HIGD1A: variants seen among roughly 807,000 people sequenced by gnomAD.
The protein encoded by HIGD1A is HIG1 domain family member 1A, mitochondrial.
In HIGD1A, 8 loss-of-function variants were observed where a neutral mutation model predicts 11.3. The ratio of observed to expected loss-of-function variants is 0.71; its 90% CI spans 0.42 to 1.28. The LOEUF is 1.28. HIGD1A is among the 50% of genes most tolerant of loss of function. The probability of loss-of-function intolerance (pLI) is 0.01; values close to 1 mark genes in which losing one functional copy is unlikely to be tolerated. For missense variants in HIGD1A, 107 were observed against 118.8 expected, an observed-to-expected ratio of 0.90 and a Z score of 0.46; for synonymous variants, 32 against 38.4, an observed-to-expected ratio of 0.83 and a Z score of 0.62.
intron 1 of HIGD1A, among the ~76,000 whole-genome samples, chr3:42,799,495 T>A (rs1313259975): frequency 2.0e-5 from 3 of 152,224 alleles, no homozygotes; most frequent in African/African-American, 7.2e-5. Context: ...CAGGGTCTAG[T>A]TGCCACGCAG....
In HIGD1A at chr3:42,789,253, G is replaced by C. The variant is rs572102610; in HGVS notation, c.98-3091C>G. Reference sequence around the variant, plus strand: ...GATGGGGTTTCCCCACATTGGTCAGGCTGGTCTCGAACTCCTGACCTCATG... The same window carrying C: ...GATGGGGTTTCCCCACATTGGTCAGCCTGGTCTCGAACTCCTGACCTCATG... On this transcript the variant is annotated intron_variant, in intron 2 of 3. Coordinates refer to ENST00000321331, the MANE Select transcript of HIGD1A (RefSeq NM_014056.4). 2.6e-5 allele frequency among the ~76,000 whole-genome samples: 4 copies of C among 152,050 alleles called. No homozygotes were observed. In the South Asian group the frequency reaches 8.3e-4, roughly 32 times the overall value.
chr3:42,790,465 G>A (rs953465611), intron 2 of HIGD1A, among the ~76,000 whole-genome samples: 3 of 152,136 alleles, frequency 2.0e-5, no homozygotes, highest in East Asian at 1.9e-4. Flanking sequence ...CCCGGGAGGC[G>A]GAGGTTGCAG....
Position 42,794,227 on chromosome 3 carries a change from A to C in HIGD1A, c.27T>G (p.Leu9=). Residue 9 remains leucine (L), a synonymous_variant, in exon 2 of 4, where the codon CTT becomes CTG. Transcript: ENST00000321331. MSTDTGVS[L]PSYEEDQGSK... is the part of the protein sequence containing the mutation. ...ATCCCTGATCTTCCTCATATGAAGG[A>C]AGGGAAACACCTGTGTCTGTTGACA... 6.2e-7 allele frequency: 1 copy of C among 1,604,746 alleles called. No individual in the cohort carries two copies.
chr3:42,796,446 TAA>T (rs10719438), intron 1 of HIGD1A, among the ~76,000 whole-genome samples: 30,736 of 141,042 alleles, frequency 0.22, 3,790 homozygotes, highest in Non-Finnish European at 0.29. Context: ...TTTTTTTTTT[TAA>T]AAAAAAAAGA....
chr3:42,787,594 A>AAAAAAAT (rs1383516264), intron 2 of HIGD1A, among the ~76,000 whole-genome samples: 31 of 141,250 alleles, frequency 2.2e-4, no homozygotes, highest in African/African-American at 4.4e-4. Flanking sequence ...CCATCTCAAA[A>AAAAAAAT]ATATATATAT....
rs1700324320 is a variant in HIGD1A at position 42,784,481 on chromosome 3, T to C, written c.*790A>G. ...AGTCATTAACCAAATCCATTATAGG[T>C]AATTTGTTCAGTTCAATGTTTACAA... On this transcript the variant is annotated 3_prime_UTR_variant, in exon 4 of 4. Transcript: ENST00000321331. The C allele has an allele frequency of 6.6e-6, 1 of 152,594 alleles. No homozygotes were observed. The highest frequency in any genetic ancestry group is 2.4e-5 in the African/African-American group (1 of 41,466). The allele number at this position is 152,594 out of a possible 1,614,324, so 9.5% of individuals were successfully genotyped here.
At position 42,800,824 on chromosome 3, in the gene HIGD1A, G is replaced by A. The variant is rs150325172; in HGVS notation, c.-23+3612C>T. ...ATGCTTAGCTCTTATGAGATGACCC[G>A]GTCCTTTAAAAAAAAAAAAAGTATC... On this transcript the variant is annotated intron_variant, in intron 1 of 3. Coordinates refer to ENST00000321331, the MANE Select transcript of HIGD1A (RefSeq NM_014056.4). Among the ~76,000 whole-genome samples the A allele has an allele frequency of 5.4e-4, 81 of 150,300 alleles. No homozygotes were observed. In the East Asian group the frequency reaches 0.013, roughly 24 times the overall value.
At chr3:42,796,134 C>A (rs1164406044) in intron 1 of HIGD1A, among the ~76,000 whole-genome samples, 1 of 152,172 alleles carries the variant, frequency 6.6e-6, no homozygotes, top group African/African-American at 2.4e-5. Context: ...AACAAAAATG[C>A]AACTCCGGAG....
chr3:42,789,532 T>TA (rs1700394165), intron 2 of HIGD1A, among the ~76,000 whole-genome samples: 4 of 98,232 alleles, frequency 4.1e-5, no homozygotes, highest in Non-Finnish European at 6.6e-5. Flanking sequence ...AAAAATAAAT[T>TA]AAAAAAAAGA....
intron 1 of HIGD1A, among the ~76,000 whole-genome samples, chr3:42,794,491 C>T (rs1038173444): frequency 1.3e-5 from 2 of 152,110 alleles, no homozygotes; most frequent in African/African-American, 4.8e-5. Flanking sequence ...TATTATTTTG[C>T]CGTTTCCCCT....
At chr3:42,796,436 T>TTG (rs1559677799) in intron 1 of HIGD1A, among the ~76,000 whole-genome samples, 8 of 96,352 alleles carry the variant, frequency 8.3e-5, no homozygotes, top group African/African-American at 1.4e-4. Context: ...TTAGTTGTTG[T>TTG]TTTTTTTTTT....
Position 42,794,285 on chromosome 3 carries a change from A to G in HIGD1A, c.-22-10T>C. The G allele has an allele frequency of 1.9e-6, 3 of 1,558,286 alleles. No homozygotes were observed. The highest frequency in any genetic ancestry group is 2.6e-6 in the Non-Finnish European group (3 of 1,160,390). ...TGCTTGAAGAATCTCCCTGAGAAAGAATTTCTATGAGGTTCTGTAATTAAA... is the reference window on the plus strand; with the variant it reads ...TGCTTGAAGAATCTCCCTGAGAAAGGATTTCTATGAGGTTCTGTAATTAAA... On this transcript the variant is annotated splice_polypyrimidine_tract_variant and intron_variant, in intron 1 of 3. Coordinates refer to ENST00000321331, the MANE Select transcript of HIGD1A (RefSeq NM_014056.4).
intron 1 of HIGD1A, among the ~76,000 whole-genome samples, chr3:42,802,981 G>A (rs115899114): frequency 0.01 from 1,569 of 152,302 alleles, 29 homozygotes; most frequent in African/African-American, 0.036. Flanking sequence ...TCATGCCTAA[G>A]GTAAACGGAA....
rs1700317683 is a variant in HIGD1A, at chr3:42,784,105, A to T, written c.*1166T>A. ...AAAAAAAAAAAAAATTTATATGGAT[A>T]ATCAATAGAACAAAAATTACCCACA... On this transcript the variant is annotated 3_prime_UTR_variant, in exon 4 of 4. Coordinates refer to ENST00000321331, the MANE Select transcript of HIGD1A (RefSeq NM_014056.4). Among the ~76,000 whole-genome samples, 1 of 151,994 alleles carries T rather than the reference A, an allele frequency of 6.6e-6. No individual in the cohort carries two copies. The highest frequency in any genetic ancestry group is 1.5e-5 in the Non-Finnish European group (1 of 68,000).
intron 1 of HIGD1A, among the ~76,000 whole-genome samples, chr3:42,802,369 T>G (rs1025886427): frequency 3.3e-5 from 5 of 152,178 alleles, no homozygotes; most frequent in Admixed American, 3.3e-4. Flanking sequence ...ATTATTTGCT[T>G]GAAACGACAG....
At chr3:42,786,717 AT>A (rs1298328780) in intron 2 of HIGD1A, among the ~76,000 whole-genome samples, 1 of 152,246 alleles carries the variant, frequency 6.6e-6, no homozygotes, top group East Asian at 1.9e-4. Context: ...CCAAACTCTC[AT>A]TCATTTTGAG....
intron 2 of HIGD1A, among the ~76,000 whole-genome samples, chr3:42,789,634 A>G (rs1032430728): frequency 7.9e-5 from 12 of 151,920 alleles, no homozygotes; most frequent in African/African-American, 2.7e-4. Flanking sequence ...CTGAATAGTA[A>G]AAGTAAATTA....
At chr3:42,786,639 T>C (rs1700355229) in intron 2 of HIGD1A, among the ~76,000 whole-genome samples, 1 of 152,098 alleles carries the variant, frequency 6.6e-6, no homozygotes, top group Non-Finnish European at 1.5e-5. Flanking sequence ...AAGAAGTAAA[T>C]AAAGGAAAAG....
In HIGD1A at chr3:42,785,310, A is replaced by G. The variant is rs1440112488; in HGVS notation, c.243T>C (p.Tyr81=). The change falls in exon 4 of 4, where the codon TAT becomes TAC. Residue 81 remains tyrosine, a synonymous_variant. Transcript: ENST00000321331. ...VVGAMTVGMG[Y]SMYREFWAKP... ...TTGCCCAGAATTCCCGATACATGGA[A>G]TAGCCCATACCTAAAGAAAAAGAAT... The G allele has an allele frequency of 6.2e-7, 1 of 1,610,362 alleles. No individual in the cohort carries two copies. Among genetic ancestry groups the G allele is most frequent in the Non-Finnish European group, 8.5e-7 (1 of 1,178,452 alleles).
Sources: allele counts gnomAD v4.1 joint callset (sites outside exome capture counted in the v4.1 genomes callset), GRCh38; gene constraint gnomAD v4.1.1; transcripts MANE v1.5; gene names NCBI Gene and HGNC (gene_info 2026-07-23, HGNC 2026-07-21).